The following PCDHA13 variants were observed in gnomAD, a reference collection of about 807,000 sequenced individuals.
The protein encoded by PCDHA13 is protocadherin alpha-13.
PCDHA13 carries 54 observed loss-of-function variants against 64.8 expected under a neutral mutation model. That is an observed-to-expected ratio of 0.83 (90% confidence interval 0.67 to 1.04). The LOEUF is 1.04. Ranked by LOEUF, PCDHA13 falls within the 50% of genes least tolerant of loss-of-function variation. The pLI is 0.00. For missense variants in PCDHA13, 1,248 were observed against 1,254.3 expected (o/e 0.99, Z 0.08); for synonymous variants, 587 against 564.4 (o/e 1.04, Z -0.57).
At chr5:140,917,495 AATG>A (rs1391932074) in intron 1 of PCDHA13, among the ~76,000 whole-genome samples, 1 of 152,174 alleles carries the variant, frequency 6.6e-6, no homozygotes, top group Non-Finnish European at 1.5e-5. Flanking sequence ...CTATGCCCAG[AATG>A]ATATTTTCTA....
chr5:140,993,462 TCACACACACACACACACACACACA>T (rs3836747), intron 3 of PCDHA13, among the ~76,000 whole-genome samples: 3 of 140,938 alleles, frequency 2.1e-5, no homozygotes, highest in African/African-American at 5.3e-5. Flanking sequence ...TCTTTCTTTC[TCACACACACACACACACACACACA>T]CACACACACA....
chr5:140,883,826 C>G lies in PCDHA13; in HGVS notation c.1558C>G (p.Leu520Val). Residue 520 changes from leucine (L) to valine (V), a missense_variant, in exon 1 of 4, where the codon CTG (leucine) becomes GTG (valine). Leu to Val is a conservative substitution (Grantham distance 32, BLOSUM62 1). Transcript: ENST00000289272. ...CGCGGAGAGCGGCAAGGTGTACGCG[C>G]TGCAGCCGTTGGACCACGAGGAGCT... ...VHAESGKVYALQPLDHEELEL... is the reference protein window; with the variant it reads ...VHAESGKVYAVQPLDHEELEL... The G allele has an allele frequency of 6.2e-7, 1 of 1,612,622 alleles. No homozygotes were observed. Among genetic ancestry groups the G allele is most frequent in the South Asian group, 1.1e-5 (1 of 91,020 alleles).
intron 1 of PCDHA13, among the ~76,000 whole-genome samples, chr5:140,890,175 A>G (rs1488442027): frequency 6.6e-6 from 1 of 152,158 alleles, no homozygotes; most frequent in Non-Finnish European, 1.5e-5. Context: ...GAAATAGGCA[A>G]ATGCTACAAA....
rs570399561 is a variant in PCDHA13, at chr5:140,943,988, C to T, written c.2395-34961C>T. ...GTTAAAGTAATTAAGAAAACAGAGA[C>T]AGAACTACTGAGTACCCCCCAAAAG... On this transcript the variant is annotated intron_variant, in intron 1 of 3. Transcript: ENST00000289272. 8.3e-4 allele frequency among the ~76,000 whole-genome samples: 126 copies of T among 152,216 alleles called. 3 individuals carry two copies. The Middle Eastern group carries it at 0.017, about 21-fold the overall frequency.
At chr5:140,956,958 A>C (rs970237928) in intron 1 of PCDHA13, among the ~76,000 whole-genome samples, 4 of 134,798 alleles carry the variant, frequency 3.0e-5, no homozygotes, top group Non-Finnish European at 6.6e-5. Context: ...AAACACTGTA[A>C]TTAATCAGTC....
At chr5:140,930,413 G>A (rs1461655739) in intron 1 of PCDHA13, 1 of 151,722 alleles carries the variant, frequency 6.6e-6, no homozygotes, top group Non-Finnish European at 1.5e-5. Flanking sequence ...TTTGAGACAG[G>A]GGTCTCACTA....
At position 140,882,588 on chromosome 5, in the gene PCDHA13, A is replaced by G; in HGVS notation, c.320A>G (p.Glu107Gly). The G allele has an allele frequency of 1.2e-6, 2 of 1,614,186 alleles. No homozygotes were observed. Among genetic ancestry groups the G allele is most frequent in the African/African-American group, 1.3e-5 (1 of 75,040 alleles). ...GRSAECSIHLEVIVDRPLQVF... is the reference protein window; with the variant it reads ...GRSAECSIHLGVIVDRPLQVF... ...AGCGCGGAGTGCAGCATCCACCTGG[A>G]GGTGATCGTGGACAGGCCTCTGCAG... The change falls in exon 1 of 4, where the codon GAG (glutamate) becomes GGG (glycine). Residue 107 changes from glutamate to glycine, a missense_variant. Physicochemically the swap from Glu to Gly is moderately conservative, Grantham distance 98. Coordinates refer to ENST00000289272, the MANE Select transcript of PCDHA13 (RefSeq NM_018904.3).
Position 141,010,120 on chromosome 5 carries a change from C to T in PCDHA13, c.*183C>T, listed in dbSNP as rs1554262685. 6.2e-7 allele frequency: 1 copy of T among 1,607,404 alleles called. No homozygotes were observed. Among genetic ancestry groups the T allele is most frequent in the Admixed American group, 1.7e-5 (1 of 58,482 alleles). ...AACAGGTTTTGTCGTAAAAGCTTTACTAAGTCTGGTGTTAACTCTTTCTCT... is the reference window on the plus strand; with the variant it reads ...AACAGGTTTTGTCGTAAAAGCTTTATTAAGTCTGGTGTTAACTCTTTCTCT... On this transcript the variant is annotated 3_prime_UTR_variant, in exon 4 of 4. Coordinates refer to ENST00000289272, the MANE Select transcript of PCDHA13 (RefSeq NM_018904.3).
At chr5:140,967,320 A>G in intron 1 of PCDHA13, 6 of 1,609,774 alleles carry the variant, frequency 3.7e-6, no homozygotes, top group Non-Finnish European at 5.1e-6. Context: ...GTACAGACCT[A>G]CGAGCTCAGC....
intron 1 of PCDHA13, among the ~76,000 whole-genome samples, chr5:140,931,876 T>G (rs533517349): frequency 1.3e-5 from 2 of 152,112 alleles, no homozygotes; most frequent in South Asian, 4.1e-4. Context: ...AAATATTTAT[T>G]GCTTTCATTT....
At chr5:140,966,755 C>A in intron 1 of PCDHA13, 1 of 1,434,520 alleles carries the variant, frequency 7.0e-7, no homozygotes, top group South Asian at 1.5e-5. Context: ...GCCTCCGCCG[C>A]GGCCAGTGGC....
chr5:140,946,508 G>A (rs1352307719), intron 1 of PCDHA13, among the ~76,000 whole-genome samples: 3 of 151,202 alleles, frequency 2.0e-5, no homozygotes, highest in Non-Finnish European at 3.0e-5. Flanking sequence ...GTATGTCAAA[G>A]ACCTATCCGC....
rs570001791 is a variant in PCDHA13, at chr5:140,924,660, C to T, written c.2394+39998C>T. Among the ~76,000 whole-genome samples the T allele has an allele frequency of 2.5e-3, 382 of 152,090 alleles. 1 individual carries two copies. Among genetic ancestry groups the T allele is most frequent in the South Asian group, 8.9e-3 (43 of 4,822 alleles). Reference sequence around the variant, plus strand: ...CTGTAATCCCAGCACTTTGGGAGGCCGAGGCAGGCCAATCACTTGAGGTCA... The same window carrying T: ...CTGTAATCCCAGCACTTTGGGAGGCTGAGGCAGGCCAATCACTTGAGGTCA... On this transcript the variant is annotated intron_variant, in intron 1 of 3. Coordinates refer to ENST00000289272, the MANE Select transcript of PCDHA13 (RefSeq NM_018904.3).
At chr5:141,003,761 C>T (rs1371194132) in intron 3 of PCDHA13, among the ~76,000 whole-genome samples, 3 of 152,160 alleles carry the variant, frequency 2.0e-5, no homozygotes, top group Admixed American at 1.3e-4. Flanking sequence ...TAATTATGGT[C>T]GTATTCTGTT....
chr5:140,994,988 A>G (rs781915746), intron 3 of PCDHA13, among the ~76,000 whole-genome samples: 3 of 152,166 alleles, frequency 2.0e-5, no homozygotes, highest in Non-Finnish European at 4.4e-5. Flanking sequence ...ACCCACTAGA[A>G]GGTTAGTTGG....
intron 1 of PCDHA13, among the ~76,000 whole-genome samples, chr5:140,909,492 C>T (rs955748526): frequency 4.6e-5 from 7 of 152,160 alleles, no homozygotes; most frequent in East Asian, 3.9e-4. Context: ...GAGAGCTGAA[C>T]GGGGATGTGG....
intron 1 of PCDHA13, among the ~76,000 whole-genome samples, chr5:140,917,362 A>G (rs552053034): frequency 2.2e-4 from 32 of 142,394 alleles, no homozygotes; most frequent in Admixed American, 1.7e-3. Flanking sequence ...CTGTTCCACT[A>G]TCTTGCTCCA....
At chr5:140,925,382 C>A (rs2082461008) in intron 1 of PCDHA13, among the ~76,000 whole-genome samples, 1 of 152,078 alleles carries the variant, frequency 6.6e-6, no homozygotes, top group Non-Finnish European at 1.5e-5. Flanking sequence ...GTCAATGAGT[C>A]TCCTTTTGGC....
At chr5:140,928,808 G>A (rs782344407) in intron 1 of PCDHA13, 3 of 1,614,062 alleles carry the variant, frequency 1.9e-6, no homozygotes, top group Non-Finnish European at 2.5e-6. Flanking sequence ...GTAGTGGTTC[G>A]GGACCATGGA....
Sources: allele counts gnomAD v4.1 joint callset (sites outside exome capture counted in the v4.1 genomes callset), GRCh38; gene constraint gnomAD v4.1.1; transcripts MANE v1.5; gene names NCBI Gene and HGNC (gene_info 2026-07-23, HGNC 2026-07-21).